The following USH1G variants were observed in gnomAD, a reference collection of about 807,000 sequenced individuals.
USH1G encodes USH1 protein network component sans.
In USH1G, 27 loss-of-function variants were observed where a neutral mutation model predicts 31.9. The ratio of observed to expected loss-of-function variants is 0.85; its 90% CI spans 0.62 to 1.17. USH1G has a LOEUF of 1.17. Ranked by LOEUF, USH1G falls within the 50% of genes most tolerant of loss-of-function variation. The pLI is 0.00. For synonymous variants in USH1G, 266 were observed against 283.2 expected, an observed-to-expected ratio of 0.94 and a Z score of 0.61; for missense variants, 674 against 638.9, an observed-to-expected ratio of 1.05 and a Z score of -0.59.
rs2038896268 is a variant in USH1G at position 74,918,855 on chromosome 17, G to GGCCCTGCTGACTGCAC, written c.1382+583_1382+598dup. Among the ~76,000 whole-genome samples, 1 of 151,744 alleles carries GGCCCTGCTGACTGCAC rather than the reference G, an allele frequency of 6.6e-6. No homozygotes were observed. The highest frequency in any genetic ancestry group is 1.5e-5 in the Non-Finnish European group (1 of 67,966). On this transcript the variant is annotated intron_variant, in intron 2 of 2. Transcript: ENST00000614341. This position sits in a 1 kb window ranked among gnomAD's most constrained non-coding sequence, Gnocchi z 4.1. ...TGCCTGAGGTCTTGGGCAATTGAGAGGCCCTGCTGACTGCACGCCCTGCAT... is the reference window on the plus strand; with the variant it reads ...TGCCTGAGGTCTTGGGCAATTGAGAGGCCCTGCTGACTGCACGCCCTGCTGACTGCACGCCCTGCAT...
chr17:74,923,025 G>C lies in USH1G; in HGVS notation c.49C>G (p.Leu17Val). Residue 17 changes from leucine (L) to valine (V), a missense_variant, in exon 1 of 3, where the codon CTC becomes GTC. Physicochemically the swap from Leu to Val is conservative, Grantham distance 32. Coordinates refer to ENST00000614341, the MANE Select transcript of USH1G (RefSeq NM_173477.5). This position sits in a 1 kb window ranked among gnomAD's most constrained non-coding sequence, Gnocchi z 5.3. ...RAARDGYLEL[L>V]KEATRKELNA... ...AGCTCCTTTCGGGTGGCCTCCTTGAGGAGCTCCAGGTAGCCATCCCGGGCT... is the reference window on the plus strand; with the variant it reads ...AGCTCCTTTCGGGTGGCCTCCTTGACGAGCTCCAGGTAGCCATCCCGGGCT... 6.3e-7 allele frequency: 1 copy of C among 1,582,888 alleles called. No homozygotes were observed. Among genetic ancestry groups the C allele is most frequent in the Non-Finnish European group, 8.6e-7 (1 of 1,163,284 alleles).
intron 1 of USH1G, 132 bp downstream of exon 1, chr17:74,922,778 G>A: frequency 1.9e-6 from 2 of 1,068,628 alleles, no homozygotes; most frequent in Non-Finnish European, 2.6e-6. Context: ...CTCAACATGT[G>A]TCTCTCCCAC....
Position 74,923,107 on chromosome 17 carries a change from C to T in USH1G, c.-34G>A, listed in dbSNP as rs1257793716. 18 of 1,540,756 alleles carry T rather than the reference C, an allele frequency of 1.2e-5. No individual in the cohort carries two copies. The highest frequency in any genetic ancestry group is 2.4e-5 in the South Asian group (2 of 83,362). The stretch of plus-strand genomic sequence containing the variant: ...AAGTGGACGGGGCGGGCGGGGGACA[C>T]GGAGAAAGGCCCCCCGCAGGGGAGG... On this transcript the variant is annotated 5_prime_UTR_variant, in exon 1 of 3. The change creates a new upstream start codon in the 5' untranslated region. Transcript: ENST00000614341. This position sits in a 1 kb window ranked among gnomAD's most constrained non-coding sequence, Gnocchi z 5.3.
In USH1G at chr17:74,919,551, T is replaced by C. The variant is rs778876458; in HGVS notation, c.1285A>G (p.Ile429Val). The C allele has an allele frequency of 1.2e-6, 2 of 1,612,634 alleles. No individual in the cohort carries two copies. The highest frequency in any genetic ancestry group is 1.1e-5 in the South Asian group (1 of 91,072). Residue 429 changes from isoleucine to valine, a missense_variant, in exon 2 of 3, where the codon ATC (isoleucine) becomes GTC (valine). By Grantham distance (29) the Ile-to-Val change is conservative. Transcript: ENST00000614341. This position sits in a 1 kb window ranked among gnomAD's most constrained non-coding sequence, Gnocchi z 4.5. ...MLCSDLDLRS[I>V]SVPLGPRKKI... ...TTTCGGGGCCCCAGTGGGACGCTGATGCTGCGGAGGTCGAGGTCAGAGCAC... is the reference window on the plus strand; with the variant it reads ...TTTCGGGGCCCCAGTGGGACGCTGACGCTGCGGAGGTCGAGGTCAGAGCAC...
chr17:74,918,062 G>A lies in USH1G; in HGVS notation c.*11C>T. 1 of 1,614,086 alleles carries A rather than the reference G, an allele frequency of 6.2e-7. No individual in the cohort carries two copies. ...TGCAATTCATTTTGGTCTGGGGAGA[G>A]GAGCCCCCGGTTATCTGTGGAGGAA... On this transcript the variant is annotated 3_prime_UTR_variant, in exon 3 of 3. Coordinates refer to ENST00000614341, the MANE Select transcript of USH1G (RefSeq NM_173477.5). This position sits in a 1 kb window ranked among gnomAD's most constrained non-coding sequence, Gnocchi z 4.1.
chr17:74,919,430 C>T lies in USH1G; in HGVS notation c.1382+24G>A. The T allele has an allele frequency of 1.3e-6, 2 of 1,590,420 alleles. No individual in the cohort carries two copies. Among genetic ancestry groups the T allele is most frequent in the Non-Finnish European group, 1.7e-6 (2 of 1,168,242 alleles). The stretch of plus-strand genomic sequence containing the variant: ...GCCTTCCAACTCCTGCTCCTCCATC[C>T]CCCCCGCCAGGCTGGACACTCACAG... On this transcript the variant is annotated intron_variant, in intron 2 of 2. Coordinates refer to ENST00000614341, the MANE Select transcript of USH1G (RefSeq NM_173477.5). The surrounding 1 kb of genome is among the most constrained non-coding windows in gnomAD (Gnocchi z 4.5).
At position 74,920,160 on chromosome 17, in the gene USH1G, C is replaced by T. The variant is rs530264162; in HGVS notation, c.676G>A (p.Gly226Ser). 1.2e-5 allele frequency: 19 copies of T among 1,602,018 alleles called. No individual in the cohort carries two copies. In the South Asian group the frequency reaches 1.6e-4, roughly 14 times the overall value. ...MQKKLERRKQGGEGTFKVSED... is the reference protein window; with the variant it reads ...MQKKLERRKQSGEGTFKVSED... ...GAGACCTTGAAGGTGCCTTCGCCGC[C>T]CTGCTTGCGCCGCTCCAGCTTCTTC... Residue 226 changes from glycine to serine, a missense_variant, in exon 2 of 3, where the codon GGC (glycine) becomes AGC (serine). Physicochemically the swap from Gly to Ser is moderately conservative, Grantham distance 56. Transcript: ENST00000614341. The surrounding 1 kb of genome is among the most constrained non-coding windows in gnomAD (Gnocchi z 5.2).
In USH1G at chr17:74,918,742, G is replaced by A. The variant is rs1243716058; in HGVS notation, c.1383-666C>T. 3.3e-5 allele frequency among the ~76,000 whole-genome samples: 5 copies of A among 151,820 alleles called. No homozygotes were observed. The highest frequency in any genetic ancestry group is 7.3e-5 in the African/African-American group (3 of 41,282). On this transcript the variant is annotated intron_variant, in intron 2 of 2. Transcript: ENST00000614341. This position sits in a 1 kb window ranked among gnomAD's most constrained non-coding sequence, Gnocchi z 4.1. Reference sequence around the variant, plus strand: ...TGAGGCAGGAGAATCGCTTGAACCCGGGAGGTGGAGGTTACAGTGATTGTG... The same window carrying A: ...TGAGGCAGGAGAATCGCTTGAACCCAGGAGGTGGAGGTTACAGTGATTGTG...
rs1052349593 is a variant in USH1G, at chr17:74,920,902, A to T, written c.165-231T>A. On this transcript the variant is annotated intron_variant, in intron 1 of 2. Coordinates refer to ENST00000614341, the MANE Select transcript of USH1G (RefSeq NM_173477.5). This position sits in a 1 kb window ranked among gnomAD's most constrained non-coding sequence, Gnocchi z 5.2. ...TCAGGCATGCAGGGGGTGGGGTGAC[A>T]GAGAAGGCGGGACTGGGGCGGGGCC... is the stretch of plus-strand genomic sequence containing the variant. 6.6e-6 allele frequency among the ~76,000 whole-genome samples: 1 copy of T among 152,196 alleles called. No individual in the cohort carries two copies. Among genetic ancestry groups the T allele is most frequent in the African/African-American group, 2.4e-5 (1 of 41,448 alleles).
chr17:74,920,579 G>A lies in USH1G; in HGVS notation c.257C>T (p.Ser86Phe). Residue 86 changes from serine to phenylalanine, a missense_variant, in exon 2 of 3, where the codon TCC becomes TTC. Physicochemically the swap from Ser to Phe is radical, Grantham distance 155 (BLOSUM62 -2). Transcript: ENST00000614341. This position sits in a 1 kb window ranked among gnomAD's most constrained non-coding sequence, Gnocchi z 5.2. ...GHLHCLSFLV[S>F]FGANIWCLDN... is the part of the protein sequence containing the mutation. ...TAGGCACCAGATGTTGGCTCCGAAG[G>A]ACACCAGGAAGGACAGGCAGTGCAA... The A allele has an allele frequency of 6.2e-7, 1 of 1,613,878 alleles. No individual in the cohort carries two copies. The highest frequency in any genetic ancestry group is 8.5e-7 in the Non-Finnish European group (1 of 1,180,038).
Position 74,916,086 on chromosome 17 carries a change from G to C in USH1G, c.*1987C>G, listed in dbSNP as rs886053381. On this transcript the variant is annotated 3_prime_UTR_variant, in exon 3 of 3. Coordinates refer to ENST00000614341, the MANE Select transcript of USH1G (RefSeq NM_173477.5). The stretch of plus-strand genomic sequence containing the variant: ...AAGCATTAAAGGACAAGACAGGTAC[G>C]ATACTGATAGAGAACATTCTCTACA... The C allele has an allele frequency of 2.2e-5, 3 of 138,258 alleles. No individual in the cohort carries two copies. Among genetic ancestry groups the C allele is most frequent in the African/African-American group, 8.2e-5 (3 of 36,466 alleles). The allele number at this position is 138,258 out of a possible 1,614,324, so 8.6% of individuals were successfully genotyped here.
chr17:74,917,910 C>A lies in USH1G; in HGVS notation c.*163G>T, dbSNP rs1555627423. The A allele has an allele frequency of 3.5e-5, 31 of 896,884 alleles. No homozygotes were observed. In the South Asian group the frequency reaches 4.6e-4, roughly 13 times the overall value. 55.6% of individuals were successfully genotyped at this position (896,884 alleles called of 1,614,324 possible). The stretch of plus-strand genomic sequence containing the variant: ...GCCCCTCTGGTGCCTCCAGGCCACA[C>A]CCTCAGCTTCAAGGTGCAGACAGAC... On this transcript the variant is annotated 3_prime_UTR_variant, in exon 3 of 3. Transcript: ENST00000614341.
rs1305146653 is a variant in USH1G, at chr17:74,919,983, G to A, written c.853C>T (p.Arg285Cys). 1 of 1,611,970 alleles carries A rather than the reference G, an allele frequency of 6.2e-7. No individual in the cohort carries two copies. The highest frequency in any genetic ancestry group is 8.5e-7 in the Non-Finnish European group (1 of 1,179,380). ...MFLSDEDSVS[R>C]ATLAAEPAHS... ...GCAGGCTCGGCCGCCAGCGTGGCAC[G>A]GGAGACGCTGTCCTCGTCCGAGAGG... Residue 285 changes from arginine (R) to cysteine (C), a missense_variant, in exon 2 of 3, where the codon CGT (arginine) becomes TGT (cysteine). Physicochemically the swap from Arg to Cys is radical, Grantham distance 180. Coordinates refer to ENST00000614341, the MANE Select transcript of USH1G (RefSeq NM_173477.5). This position sits in a 1 kb window ranked among gnomAD's most constrained non-coding sequence, Gnocchi z 4.5.
chr17:74,920,746 A>G lies in USH1G; in HGVS notation c.165-75T>C, dbSNP rs1043516969. Reference sequence around the variant, plus strand: ...TGGAGGTGGAGGGAGTGGAGGGGGGAGGGGAGCTTCCCCACTGTCACAGCA... The same window carrying G: ...TGGAGGTGGAGGGAGTGGAGGGGGGGGGGGAGCTTCCCCACTGTCACAGCA... On this transcript the variant is annotated intron_variant, in intron 1 of 2. Coordinates refer to ENST00000614341, the MANE Select transcript of USH1G (RefSeq NM_173477.5). The surrounding 1 kb of genome is among the most constrained non-coding windows in gnomAD (Gnocchi z 5.2). 2.0e-6 allele frequency: 3 copies of G among 1,505,014 alleles called. No homozygotes were observed. The highest frequency in any genetic ancestry group is 2.7e-6 in the Non-Finnish European group (3 of 1,094,972). The allele number at this position is 1,505,014 out of a possible 1,614,324, so 93.2% of individuals were successfully genotyped here. A position where few individuals can be genotyped will look rare whatever the true frequency, so the allele number is the denominator to read the frequency against.
Position 74,919,099 on chromosome 17 carries a change from C to T in USH1G, c.1382+355G>A. On this transcript the variant is annotated intron_variant, in intron 2 of 2. Transcript: ENST00000614341. The surrounding 1 kb of genome is among the most constrained non-coding windows in gnomAD (Gnocchi z 4.5). ...TTAAGCAAGAGGACTTGTTCAAGGG[C>T]ACAACCCAGCACCTAGGAGGTGGGA... 6.6e-6 allele frequency among the ~76,000 whole-genome samples: 1 copy of T among 152,170 alleles called. No individual in the cohort carries two copies. Among genetic ancestry groups the T allele is most frequent in the Admixed American group, 6.5e-5 (1 of 15,272 alleles).
chr17:74,920,357 C>G lies in USH1G; in HGVS notation c.479G>C (p.Arg160Pro), dbSNP rs770249797. 1 of 1,612,100 alleles carries G rather than the reference C, an allele frequency of 6.2e-7. No individual in the cohort carries two copies. The highest frequency in any genetic ancestry group is 8.5e-7 in the Non-Finnish European group (1 of 1,179,858). ...CAKLQRRHHE[R>P]MERRYRRELA... is the part of the protein sequence containing the mutation. ...CTCGCGCCGGTATCGCCGCTCCATG[C>G]GTTCGTGGTGCCTCCGCTGCAGCTT... is the stretch of plus-strand genomic sequence containing the variant. Residue 160 changes from arginine (R) to proline (P), a missense_variant, in exon 2 of 3, where the codon CGC becomes CCC. Coordinates refer to ENST00000614341, the MANE Select transcript of USH1G (RefSeq NM_173477.5). The surrounding 1 kb of genome is among the most constrained non-coding windows in gnomAD (Gnocchi z 5.2).
chr17:74,919,540 T>G lies in USH1G; in HGVS notation c.1296A>C (p.Pro432=). The G allele has an allele frequency of 6.2e-7, 1 of 1,612,376 alleles. No individual in the cohort carries two copies. The highest frequency in any genetic ancestry group is 8.5e-7 in the Non-Finnish European group (1 of 1,179,984). Reference sequence around the variant, plus strand: ...CCAAGATCTTCTTTCGGGGCCCCAGTGGGACGCTGATGCTGCGGAGGTCGA... The same window carrying G: ...CCAAGATCTTCTTTCGGGGCCCCAGGGGGACGCTGATGCTGCGGAGGTCGA... ...SDLDLRSISV[P]LGPRKKILGA... is the part of the protein sequence containing the mutation. Residue 432 remains proline (P), a synonymous_variant, in exon 2 of 3, where the codon CCA becomes CCC. Coordinates refer to ENST00000614341, the MANE Select transcript of USH1G (RefSeq NM_173477.5). The surrounding 1 kb of genome is among the most constrained non-coding windows in gnomAD (Gnocchi z 4.5).
rs775795179 is a variant in USH1G at position 74,919,404 on chromosome 17, G to A, written c.1382+50C>T. On this transcript the variant is annotated intron_variant, in intron 2 of 2. Transcript: ENST00000614341. The surrounding 1 kb of genome is among the most constrained non-coding windows in gnomAD (Gnocchi z 4.5). ...GGCAGATCTGTACCCCCTCCCCAGG[G>A]GCCTTCCAACTCCTGCTCCTCCATC... 11 of 1,556,574 alleles carry A rather than the reference G, an allele frequency of 7.1e-6. No individual in the cohort carries two copies. Among genetic ancestry groups the A allele is most frequent in the Middle Eastern group, 2.4e-4 (1 of 4,182 alleles).
rs529653180 is a variant in USH1G, at chr17:74,921,158, T to A, written c.165-487A>T. Among the ~76,000 whole-genome samples the A allele has an allele frequency of 3.0e-4, 45 of 151,694 alleles. No homozygotes were observed. Among genetic ancestry groups the A allele is most frequent in the Non-Finnish European group, 5.2e-4 (35 of 67,916 alleles). On this transcript the variant is annotated intron_variant, in intron 1 of 2. Coordinates refer to ENST00000614341, the MANE Select transcript of USH1G (RefSeq NM_173477.5). This position sits in a 1 kb window ranked among gnomAD's most constrained non-coding sequence, Gnocchi z 4.6. The stretch of plus-strand genomic sequence containing the variant: ...GTGTGTGCCGGGCCCCAGCCCCGGG[T>A]GAGCGTGTGTGAAGTGTGGGCTTGC...
Sources: gnomAD v4.1 joint callset for allele counts (sites outside exome capture counted in the v4.1 genomes callset) on GRCh38, gnomAD v4.1.1 for gene constraint, Gnocchi (gnomAD v3.1) non-coding constraint, MANE v1.5 for transcripts, NCBI Gene and HGNC (gene_info 2026-07-23, HGNC 2026-07-21) for gene names.